The following OLIG2 variants were observed in gnomAD, a reference collection of about 807,000 sequenced individuals.
The protein encoded by OLIG2 is basic domain, helix-loop-helix protein, class B, 1.
A neutral mutation model predicts 13.4 loss-of-function variants in OLIG2; 12 were observed. The observed-to-expected ratio is 0.90, with a 90% CI of 0.58 to 1.46. OLIG2 has a LOEUF of 1.46. Ranked by LOEUF, OLIG2 falls within the 40% of genes most tolerant of loss-of-function variation. OLIG2 has a pLI of 0.00. For synonymous variants in OLIG2, 250 were observed against 233.6 expected (o/e 1.07, Z -0.64); for missense variants, 415 against 487.9 (o/e 0.85, Z 1.41).
chr21:33,026,913 C>A lies in OLIG2; in HGVS notation c.51C>A (p.Pro17=). 1 of 1,611,974 alleles carries A rather than the reference C, an allele frequency of 6.2e-7. No homozygotes were observed. Among genetic ancestry groups the A allele is most frequent in the East Asian group, 2.2e-5 (1 of 44,864 alleles). Residue 17 remains proline (P), a synonymous_variant, in exon 2 of 2, where the codon CCC becomes CCA. Coordinates refer to ENST00000382357, the MANE Select transcript of OLIG2 (RefSeq NM_005806.4). This position sits in a 1 kb window ranked among gnomAD's most constrained non-coding sequence, Gnocchi z 6.6. ...LVSSRPSSPE[P]DDLFLPARSK... ...CCAGCCGCCCGTCGTCGCCAGAGCC[C>A]GATGACCTTTTTCTGCCGGCCCGGA...
At position 33,028,294 on chromosome 21, in the gene OLIG2, T is replaced by C; in HGVS notation, c.*460T>C. 4.1e-6 allele frequency: 1 copy of C among 244,554 alleles called. No homozygotes were observed. Among genetic ancestry groups the C allele is most frequent in the Non-Finnish European group, 8.6e-6 (1 of 116,660 alleles). The allele number at this position is 244,554 out of a possible 1,614,324, so 15.1% of individuals were successfully genotyped here. The stretch of plus-strand genomic sequence containing the variant: ...ATTGGGGCCTTGCTCCTCTTCCTCC[T>C]TTCTTGGCGGGTGGGAGACTCCGGG... On this transcript the variant is annotated 3_prime_UTR_variant, in exon 2 of 2. Coordinates refer to ENST00000382357, the MANE Select transcript of OLIG2 (RefSeq NM_005806.4).
At position 33,026,732 on chromosome 21, in the gene OLIG2, G is replaced by A. The variant is rs139845066; in HGVS notation, c.-62-69G>A. On this transcript the variant is annotated intron_variant, in intron 1 of 1. Coordinates refer to ENST00000382357, the MANE Select transcript of OLIG2 (RefSeq NM_005806.4). The surrounding 1 kb of genome is among the most constrained non-coding windows in gnomAD (Gnocchi z 6.6). The stretch of plus-strand genomic sequence containing the variant: ...GGGAGCAGCTTTTCTGTCTCTCACT[G>A]ACTCACTCTCTCTCTCTCTCCCTCT... The A allele has an allele frequency of 3.6e-4, 398 of 1,108,178 alleles. 1 individual carries two copies. In the African/African-American group the frequency reaches 6.8e-3, roughly 19 times the overall value. 68.6% of individuals were successfully genotyped at this position (1,108,178 alleles called of 1,614,324 possible). A position where few individuals can be genotyped will look rare whatever the true frequency, so the allele number is the denominator to read the frequency against.
At position 33,026,737 on chromosome 21, in the gene OLIG2, A is replaced by AGTCT; in HGVS notation, c.-62-64_-62-63insGTCT. ...CAGCTTTTCTGTCTCTCACTGACTC[A>AGTCT]CTCTCTCTCTCTCTCCCTCTCTCTC... On this transcript the variant is annotated intron_variant, in intron 1 of 1. Coordinates refer to ENST00000382357, the MANE Select transcript of OLIG2 (RefSeq NM_005806.4). The surrounding 1 kb of genome is among the most constrained non-coding windows in gnomAD (Gnocchi z 6.6). The AGTCT allele has an allele frequency of 5.4e-6, 6 of 1,102,602 alleles. No homozygotes were observed. Among genetic ancestry groups the AGTCT allele is most frequent in the Non-Finnish European group, 7.5e-6 (6 of 800,904 alleles). 68.3% of individuals were successfully genotyped at this position (1,102,602 alleles called of 1,614,324 possible).
In OLIG2 at chr21:33,027,373, C is replaced by G. The variant is rs368123690; in HGVS notation, c.511C>G (p.Arg171Gly). Residue 171 changes from arginine (R) to glycine (G), a missense_variant, in exon 2 of 2, where the codon CGA (arginine) becomes GGA (glycine). Transcript: ENST00000382357. The part of the protein sequence containing the change: ...MLTNSLEEMK[R>G]LVSEIYGGHH... Reference sequence around the variant, plus strand: ...CACCAACTCGCTGGAGGAGATGAAGCGACTGGTGAGCGAGATCTACGGGGG... The same window carrying G: ...CACCAACTCGCTGGAGGAGATGAAGGGACTGGTGAGCGAGATCTACGGGGG... 1 of 1,553,014 alleles carries G rather than the reference C, an allele frequency of 6.4e-7. No homozygotes were observed. The highest frequency in any genetic ancestry group is 8.7e-7 in the Non-Finnish European group (1 of 1,148,868).
rs1472812789 is a variant in OLIG2, at chr21:33,028,048, C to G, written c.*214C>G. On this transcript the variant is annotated 3_prime_UTR_variant, in exon 2 of 2. Transcript: ENST00000382357. The stretch of plus-strand genomic sequence containing the variant: ...AGTGAGGGGATGTTCTCTCCGGGAC[C>G]TGATCGAGCGCTGTCTGGCTTTAAC... The G allele has an allele frequency of 2.1e-6, 1 of 470,348 alleles. No individual in the cohort carries two copies. The highest frequency in any genetic ancestry group is 3.7e-6 in the Non-Finnish European group (1 of 268,844). The allele number at this position is 470,348 out of a possible 1,614,324, so 29.1% of individuals were successfully genotyped here. A position where few individuals can be genotyped will look rare whatever the true frequency, so the allele number is the denominator to read the frequency against.
chr21:33,028,064 T>A lies in OLIG2; in HGVS notation c.*230T>A. Reference sequence around the variant, plus strand: ...CTCCGGGACCTGATCGAGCGCTGTCTGGCTTTAACCTGAGCTGGTCCAGTA... The same window carrying A: ...CTCCGGGACCTGATCGAGCGCTGTCAGGCTTTAACCTGAGCTGGTCCAGTA... On this transcript the variant is annotated 3_prime_UTR_variant, in exon 2 of 2. Coordinates refer to ENST00000382357, the MANE Select transcript of OLIG2 (RefSeq NM_005806.4). The A allele has an allele frequency of 2.2e-6, 1 of 446,074 alleles. No individual in the cohort carries two copies. The highest frequency in any genetic ancestry group is 4.0e-6 in the Non-Finnish European group (1 of 249,374). The allele number at this position is 446,074 out of a possible 1,614,324, so 27.6% of individuals were successfully genotyped here.
In OLIG2 at chr21:33,026,103, A is replaced by G. The variant is rs1981062521; in HGVS notation, c.-63+77A>G. The G allele has an allele frequency of 6.6e-6, 1 of 152,340 alleles. No individual in the cohort carries two copies. The highest frequency in any genetic ancestry group is 1.5e-5 in the Non-Finnish European group (1 of 68,194). The allele number at this position is 152,340 out of a possible 1,614,324, so 9.4% of individuals were successfully genotyped here. A position where few individuals can be genotyped will look rare whatever the true frequency, so the allele number is the denominator to read the frequency against. ...CTCCTCAACTCGGCTGTGACCCAGAATGCTCCGATACAGGGGGTCTGGATC... is the reference window on the plus strand; with the variant it reads ...CTCCTCAACTCGGCTGTGACCCAGAGTGCTCCGATACAGGGGGTCTGGATC... On this transcript the variant is annotated intron_variant, in intron 1 of 1. Coordinates refer to ENST00000382357, the MANE Select transcript of OLIG2 (RefSeq NM_005806.4). This position sits in a 1 kb window ranked among gnomAD's most constrained non-coding sequence, Gnocchi z 6.6.
In OLIG2 at chr21:33,026,533, G is replaced by T; in HGVS notation, c.-62-268G>T. 2.9e-6 allele frequency: 1 copy of T among 340,898 alleles called. No individual in the cohort carries two copies. Among genetic ancestry groups the T allele is most frequent in the South Asian group, 4.1e-5 (1 of 24,556 alleles). The allele number at this position is 340,898 out of a possible 1,614,324, so 21.1% of individuals were successfully genotyped here. ...CTAGAATGCCACCCGCACCCCGAGG[G>T]TCACCAACGCTCCCTGAAATAACCT... On this transcript the variant is annotated intron_variant, in intron 1 of 1. Transcript: ENST00000382357. This position sits in a 1 kb window ranked among gnomAD's most constrained non-coding sequence, Gnocchi z 6.6.
chr21:33,027,609 G>A lies in OLIG2; in HGVS notation c.747G>A (p.Pro249=). 2 of 1,477,004 alleles carry A rather than the reference G, an allele frequency of 1.4e-6. No individual in the cohort carries two copies. The highest frequency in any genetic ancestry group is 1.8e-6 in the Non-Finnish European group (2 of 1,119,948). The allele number at this position is 1,477,004 out of a possible 1,614,324, so 91.5% of individuals were successfully genotyped here. ...SSASLPGSGL[P]SVGSIRPPHG... is the part of the protein sequence containing the mutation. The stretch of plus-strand genomic sequence containing the variant: ...CCTCTCTGCCCGGATCCGGGCTGCC[G>A]TCGGTCGGCTCCATCCGTCCACCGC... The change falls in exon 2 of 2, where the codon CCG becomes CCA. Residue 249 remains proline, a synonymous_variant. Coordinates refer to ENST00000382357, the MANE Select transcript of OLIG2 (RefSeq NM_005806.4).
chr21:33,028,082 G>T lies in OLIG2; in HGVS notation c.*248G>T. 1 of 413,982 alleles carries T rather than the reference G, an allele frequency of 2.4e-6. No individual in the cohort carries two copies. The highest frequency in any genetic ancestry group is 3.6e-5 in the East Asian group (1 of 27,418). 25.6% of individuals were successfully genotyped at this position (413,982 alleles called of 1,614,324 possible). On this transcript the variant is annotated 3_prime_UTR_variant, in exon 2 of 2. Coordinates refer to ENST00000382357, the MANE Select transcript of OLIG2 (RefSeq NM_005806.4). Reference sequence around the variant, plus strand: ...CGCTGTCTGGCTTTAACCTGAGCTGGTCCAGTAGACATCGTTTTATGAAAA... The same window carrying T: ...CGCTGTCTGGCTTTAACCTGAGCTGTTCCAGTAGACATCGTTTTATGAAAA...
chr21:33,028,637 G>A lies in OLIG2; in HGVS notation c.*803G>A, dbSNP rs1001619662. 4.2e-6 allele frequency: 1 copy of A among 239,772 alleles called. No homozygotes were observed. Among genetic ancestry groups the A allele is most frequent in the Non-Finnish European group, 8.8e-6 (1 of 113,088 alleles). The allele number at this position is 239,772 out of a possible 1,614,324, so 14.9% of individuals were successfully genotyped here. ...ACCCAAAACTGCCGATTTCAGGGGCGGGTGCATTGTAGTTATTATTTTAAA... is the reference window on the plus strand; with the variant it reads ...ACCCAAAACTGCCGATTTCAGGGGCAGGTGCATTGTAGTTATTATTTTAAA... On this transcript the variant is annotated 3_prime_UTR_variant, in exon 2 of 2. Coordinates refer to ENST00000382357, the MANE Select transcript of OLIG2 (RefSeq NM_005806.4).
In OLIG2 at chr21:33,028,972, C is replaced by G. The variant is rs561173807; in HGVS notation, c.*1138C>G. 1.5e-4 allele frequency: 36 copies of G among 242,978 alleles called. No homozygotes were observed. Among genetic ancestry groups the G allele is most frequent in the African/African-American group, 7.5e-4 (34 of 45,144 alleles). 15.1% of individuals were successfully genotyped at this position (242,978 alleles called of 1,614,324 possible). Reference sequence around the variant, plus strand: ...AAATGGTAAACTCCTCCACGTGCTTCCTGCGTTCCGTGCAAGCCGCCTCGG... The same window carrying G: ...AAATGGTAAACTCCTCCACGTGCTTGCTGCGTTCCGTGCAAGCCGCCTCGG... On this transcript the variant is annotated 3_prime_UTR_variant, in exon 2 of 2. Transcript: ENST00000382357.
Position 33,027,520 on chromosome 21 carries a change from C to T in OLIG2, c.658C>T (p.Pro220Ser). 1.4e-6 allele frequency: 2 copies of T among 1,475,980 alleles called. No homozygotes were observed. The highest frequency in any genetic ancestry group is 1.5e-5 in the African/African-American group (1 of 68,266). 91.4% of individuals were successfully genotyped at this position (1,475,980 alleles called of 1,614,324 possible). A position where few individuals can be genotyped will look rare whatever the true frequency, so the allele number is the denominator to read the frequency against. ...HAAHHPAVHH[P>S]ILPPAAAAAA... ...CGCACATCACCCCGCGGTGCACCAC[C>T]CCATCCTGCCGCCCGCCGCCGCAGC... Residue 220 changes from proline to serine, a missense_variant, in exon 2 of 2, where the codon CCC becomes TCC. This residue lies in a region of OLIG2 where 243 missense variants were observed against 241.2 expected (regional missense o/e 1.01). Coordinates refer to ENST00000382357, the MANE Select transcript of OLIG2 (RefSeq NM_005806.4).
chr21:33,026,072 C>G lies in OLIG2; in HGVS notation c.-63+46C>G, dbSNP rs1051076983. The G allele has an allele frequency of 6.6e-6, 1 of 152,542 alleles. No individual in the cohort carries two copies. The highest frequency in any genetic ancestry group is 6.5e-5 in the Admixed American group (1 of 15,296). 9.4% of individuals were successfully genotyped at this position (152,542 alleles called of 1,614,324 possible). The stretch of plus-strand genomic sequence containing the variant: ...GCAGCCGCAGCCTAGATCCCAGGGA[C>G]AGACTCTCCTCAACTCGGCTGTGAC... On this transcript the variant is annotated intron_variant, in intron 1 of 1. Transcript: ENST00000382357. This position sits in a 1 kb window ranked among gnomAD's most constrained non-coding sequence, Gnocchi z 6.6.
chr21:33,027,817 A>T lies in OLIG2; in HGVS notation c.955A>T (p.Thr319Ser). 1 of 1,420,116 alleles carries T rather than the reference A, an allele frequency of 7.0e-7. No homozygotes were observed. Among genetic ancestry groups the T allele is most frequent in the Non-Finnish European group, 9.1e-7 (1 of 1,094,700 alleles). The allele number at this position is 1,420,116 out of a possible 1,614,324, so 88.0% of individuals were successfully genotyped here. Residue 319 changes from threonine to serine, a missense_variant, in exon 2 of 2, where the codon ACC becomes TCC. Thr to Ser is a moderately conservative substitution (Grantham distance 58, BLOSUM62 1). This residue lies in a region of OLIG2 where 243 missense variants were observed against 241.2 expected (regional missense o/e 1.01). Coordinates refer to ENST00000382357, the MANE Select transcript of OLIG2 (RefSeq NM_005806.4). ...AMGAGSLPRL[T>S]SDAK ...GGGCGCCGGCAGCCTGCCGCGCCTC[A>T]CCTCCGACGCCAAGTGAGCCGACTG...
chr21:33,027,059 C>T lies in OLIG2; in HGVS notation c.197C>T (p.Pro66Leu), dbSNP rs1345455514. ...GCTATGGGCTCTGCGGGCGCGCATC[C>T]TGGGGACAAGCTAGGAGGCAGTGGC... ...RGAMGSAGAH[P>L]GDKLGGSGFK... The change falls in exon 2 of 2, where the codon CCT becomes CTT. Residue 66 changes from proline (P) to leucine (L), a missense_variant. Pro to Leu is a moderately conservative substitution (Grantham distance 98, BLOSUM62 -3). This residue lies in a region of OLIG2 where 122 missense variants were observed against 126.8 expected (regional missense o/e 0.96). Transcript: ENST00000382357. 2 of 1,611,988 alleles carry T rather than the reference C, an allele frequency of 1.2e-6. No individual in the cohort carries two copies. The highest frequency in any genetic ancestry group is 4.5e-5 in the East Asian group (2 of 44,820).
Position 33,027,515 on chromosome 21 carries a change from A to C in OLIG2, c.653A>C (p.His218Pro). 1 of 1,484,758 alleles carries C rather than the reference A, an allele frequency of 6.7e-7. No individual in the cohort carries two copies. Among genetic ancestry groups the C allele is most frequent in the South Asian group, 1.3e-5 (1 of 78,946 alleles). The allele number at this position is 1,484,758 out of a possible 1,614,324, so 92.0% of individuals were successfully genotyped here. A position where few individuals can be genotyped will look rare whatever the true frequency, so the allele number is the denominator to read the frequency against. The change falls in exon 2 of 2, where the codon CAC (histidine) becomes CCC (proline). Residue 218 changes from histidine to proline, a missense_variant. Physicochemically the swap from His to Pro is moderately conservative, Grantham distance 77 (BLOSUM62 -2). Around this residue, in one of 3 missense-constraint regions of OLIG2, gnomAD observed 243 missense variants for 241.2 expected, o/e 1.01. Coordinates refer to ENST00000382357, the MANE Select transcript of OLIG2 (RefSeq NM_005806.4). The part of the protein sequence containing the change: ...AAHAAHHPAV[H>P]HPILPPAAAA... ...CACGCCGCACATCACCCCGCGGTGC[A>C]CCACCCCATCCTGCCGCCCGCCGCC... is the stretch of plus-strand genomic sequence containing the variant.
chr21:33,027,488 C>A lies in OLIG2; in HGVS notation c.626C>A (p.Ala209Glu), dbSNP rs1251379755. 1 of 1,480,338 alleles carries A rather than the reference C, an allele frequency of 6.8e-7. No individual in the cohort carries two copies. The highest frequency in any genetic ancestry group is 2.8e-5 in the East Asian group (1 of 36,354). 91.7% of individuals were successfully genotyped at this position (1,480,338 alleles called of 1,614,324 possible). A position where few individuals can be genotyped will look rare whatever the true frequency, so the allele number is the denominator to read the frequency against. The change falls in exon 2 of 2, where the codon GCG becomes GAG. Residue 209 changes from alanine (A) to glutamate (E), a missense_variant. This residue lies in a region of OLIG2 where 243 missense variants were observed against 241.2 expected (regional missense o/e 1.01). Coordinates refer to ENST00000382357, the MANE Select transcript of OLIG2 (RefSeq NM_005806.4). ...PAATAHPAAA[A>E]HAAHHPAVHH... ...GCCACCGCGCACCCGGCAGCAGCAGCGCACGCCGCACATCACCCCGCGGTG... is the reference window on the plus strand; with the variant it reads ...GCCACCGCGCACCCGGCAGCAGCAGAGCACGCCGCACATCACCCCGCGGTG...
chr21:33,027,327 G>T lies in OLIG2; in HGVS notation c.465G>T (p.Ala155=). 1 of 1,586,646 alleles carries T rather than the reference G, an allele frequency of 6.3e-7. No individual in the cohort carries two copies. The change falls in exon 2 of 2, where the codon GCG becomes GCT. Residue 155 remains alanine (A), a synonymous_variant. Coordinates refer to ENST00000382357, the MANE Select transcript of OLIG2 (RefSeq NM_005806.4). ...KLSKIATLLL[A]RNYILMLTNS... ...CCAAGATCGCCACGCTGCTGCTGGC[G>T]CGCAACTACATCCTCATGCTCACCA...
Sources: gnomAD v4.1 joint callset for allele counts on GRCh38, gnomAD v4.1.1 for gene constraint, gnomAD v4.1.1 regional missense constraint, Gnocchi (gnomAD v3.1) non-coding constraint, MANE v1.5 for transcripts, NCBI Gene and HGNC (gene_info 2026-07-23, HGNC 2026-07-21) for gene names.